RBFOX3: variants seen among roughly 807,000 people sequenced by gnomAD.
RBFOX3 encodes the protein RNA binding protein fox-1 homolog 3.
In RBFOX3, 17 loss-of-function variants were observed where a neutral mutation model predicts 48.7. That is an observed-to-expected ratio of 0.35 (90% confidence interval 0.24 to 0.52). The LOEUF (loss-of-function observed/expected upper bound fraction) is 0.52, where lower values mean the gene tolerates loss of function less well. RBFOX3 is among the 20% of genes least tolerant of loss of function. RBFOX3 has a pLI of 0.94. For missense variants in RBFOX3, 382 were observed against 497.5 expected (o/e 0.77, Z 2.21); for synonymous variants, 212 against 209.5 (o/e 1.01, Z -0.10).
chr17:79,622,397 G>T, the RBFOX3 span, among the ~76,000 whole-genome samples: 1 of 152,150 alleles, frequency 6.6e-6, no homozygotes, highest in Non-Finnish European at 1.5e-5. Context: ...CTCAGCCAGA[G>T]GAGGTGGGGC....
Position 79,311,283 on chromosome 17 carries a change from A to C in RBFOX3, c.-174-3459T>G, listed in dbSNP as rs1033086150. Among the ~76,000 whole-genome samples the C allele has an allele frequency of 1.3e-5, 2 of 152,022 alleles. No homozygotes were observed. The highest frequency in any genetic ancestry group is 2.9e-5 in the Non-Finnish European group (2 of 68,002). On this transcript the variant is annotated intron_variant, in intron 2 of 14. Coordinates refer to ENST00000693108, the MANE Select transcript of RBFOX3 (RefSeq NM_001350451.2). The surrounding 1 kb of genome is among the most constrained non-coding windows in gnomAD (Gnocchi z 4.2). ...CCCCATCTCTATTAAAAATACAAAA[A>C]TTAGCTAGGCATGTTGGTGGGCACC...
At chr17:79,105,474 C>G (rs1417142940) in intron 6 of RBFOX3, among the ~76,000 whole-genome samples, 3 of 151,990 alleles carry the variant, frequency 2.0e-5, no homozygotes, top group African/African-American at 7.2e-5. Flanking sequence ...CCAGAGAAAC[C>G]TGGCAGCTTG....
At chr17:79,183,593 G>A (rs1268466676) in intron 4 of RBFOX3, 1 of 152,284 alleles carries the variant, frequency 6.6e-6, no homozygotes, top group African/African-American at 2.4e-5. Context: ...GAGCGCGCGC[G>A]AGAATACGGC....
At chr17:79,369,473 A>C (rs2058234473) in intron 2 of RBFOX3, among the ~76,000 whole-genome samples, 1 of 151,972 alleles carries the variant, frequency 6.6e-6, no homozygotes, top group African/African-American at 2.4e-5. Context: ...TTAGCAAGAC[A>C]GGGCTTGTCT....
rs1052878716 is a variant in RBFOX3 at position 79,482,299 on chromosome 17, A to G, written c.-175+155T>C. Among the ~76,000 whole-genome samples, 7 of 152,090 alleles carry G rather than the reference A, an allele frequency of 4.6e-5. No individual in the cohort carries two copies. The highest frequency in any genetic ancestry group is 1.9e-4 in the East Asian group (1 of 5,186). Reference sequence around the variant, plus strand: ...CCGTCGATGTTCCCCCTCCTACTCCACAAAGACACCATGACTTGAAAGCTA... The same window carrying G: ...CCGTCGATGTTCCCCCTCCTACTCCGCAAAGACACCATGACTTGAAAGCTA... On this transcript the variant is annotated intron_variant, in intron 2 of 14. Coordinates refer to ENST00000693108, the MANE Select transcript of RBFOX3 (RefSeq NM_001350451.2). This position sits in a 1 kb window ranked among gnomAD's most constrained non-coding sequence, Gnocchi z 4.1.
rs1379773920 is a variant in RBFOX3 at position 79,471,588 on chromosome 17, G to A, written c.-175+10866C>T. Among the ~76,000 whole-genome samples, 4 of 152,168 alleles carry A rather than the reference G, an allele frequency of 2.6e-5. No homozygotes were observed. The highest frequency in any genetic ancestry group is 7.2e-5 in the African/African-American group (3 of 41,444). On this transcript the variant is annotated intron_variant, in intron 2 of 14. Coordinates refer to ENST00000693108, the MANE Select transcript of RBFOX3 (RefSeq NM_001350451.2). This position sits in a 1 kb window ranked among gnomAD's most constrained non-coding sequence, Gnocchi z 4.0. ...GAGCTTTCTCAGCTACAAAGAGCAC[G>A]ACATAAACAAGGAAGGCGCACACAC...
rs1399328977 is a variant in RBFOX3, at chr17:79,514,945, C to T, written c.-319-32347G>A. On this transcript the variant is annotated intron_variant, in intron 1 of 14. Transcript: ENST00000693108. ...AAAGACCAGACAGGAGGCTGGGGCT[C>T]GGCGCTGCCCCATTCCTAATCCCCA... Among the ~76,000 whole-genome samples, 6 of 152,150 alleles carry T rather than the reference C, an allele frequency of 3.9e-5. No individual in the cohort carries two copies. In the East Asian group the frequency reaches 1.2e-3, roughly 29 times the overall value.
chr17:79,497,052 C>CT (rs2081637928), intron 1 of RBFOX3, among the ~76,000 whole-genome samples: 1 of 152,202 alleles, frequency 6.6e-6, no homozygotes, highest in African/African-American at 2.4e-5. Context: ...TGAGCCTGCA[C>CT]TGGCTGAGGC....
intron 4 of RBFOX3, among the ~76,000 whole-genome samples, chr17:79,159,852 C>T (rs2046598742): frequency 6.6e-6 from 1 of 152,230 alleles, no homozygotes; most frequent in Non-Finnish European, 1.5e-5. Flanking sequence ...GTCGCTACTC[C>T]CACCTCCCTC....
intron 1 of RBFOX3, among the ~76,000 whole-genome samples, chr17:79,507,154 C>T (rs1404248759): frequency 1.3e-5 from 2 of 152,144 alleles, no homozygotes; most frequent in African/African-American, 2.4e-5. Context: ...CCATTCTCCA[C>T]ACCCTGCAGC....
intron 2 of RBFOX3, among the ~76,000 whole-genome samples, chr17:79,320,517 C>A (rs1439179279): frequency 6.6e-6 from 1 of 152,200 alleles, no homozygotes; most frequent in Non-Finnish European, 1.5e-5. Flanking sequence ...AAACACTTCC[C>A]AGCAGGGAAA....
Position 79,487,913 on chromosome 17 carries a change from G to GAAAAAAAAAAAAAAAAAAA in RBFOX3, c.-319-5316_-319-5315insTTTTTTTTTTTTTTTTTTT, listed in dbSNP as rs60345819. Among the ~76,000 whole-genome samples the GAAAAAAAAAAAAAAAAAAA allele has an allele frequency of 3.9e-4, 30 of 76,896 alleles. 1 individual carries two copies. The highest frequency in any genetic ancestry group is 1.2e-3 in the African/African-American group (28 of 22,440). 50.4% of individuals were successfully genotyped at this position (76,896 alleles called of 152,430 possible). A position where few individuals can be genotyped will look rare whatever the true frequency, so the allele number is the denominator to read the frequency against. On this transcript the variant is annotated intron_variant, in intron 1 of 14. Coordinates refer to ENST00000693108, the MANE Select transcript of RBFOX3 (RefSeq NM_001350451.2). ...GGTGACAGAGCAAGACCCCATCTCAGAAAAAAAAAAAAAAAAATTCCTGGG... is the reference window on the plus strand; with the variant it reads ...GGTGACAGAGCAAGACCCCATCTCAGAAAAAAAAAAAAAAAAAAAAAAAAAAAAAAAAAAAATTCCTGGG...
Position 79,190,426 on chromosome 17 carries a change from A to C in RBFOX3, c.-34+45340T>G, listed in dbSNP as rs868566938. 8.6e-4 allele frequency among the ~76,000 whole-genome samples: 60 copies of C among 69,688 alleles called. 1 individual carries two copies. The highest frequency in any genetic ancestry group is 1.9e-3 in the African/African-American group (53 of 27,596). The allele number at this position is 69,688 out of a possible 152,430, so 45.7% of individuals were successfully genotyped here. ...ATCTCTGTCTCACCAAAAAAAAAAA[A>C]AAAAACAAAAAAACAGAGTGAAGAA... On this transcript the variant is annotated intron_variant, in intron 4 of 14. Coordinates refer to ENST00000693108, the MANE Select transcript of RBFOX3 (RefSeq NM_001350451.2).
At chr17:79,469,730 G>A (rs913493689) in intron 2 of RBFOX3, among the ~76,000 whole-genome samples, 89 of 152,310 alleles carry the variant, frequency 5.8e-4, no homozygotes, top group African/African-American at 2.1e-3. Flanking sequence ...CTAAGAGAGG[G>A]AAGGACCTCT....
At chr17:79,334,307 G>C (rs1320851835) in intron 2 of RBFOX3, among the ~76,000 whole-genome samples, 1 of 152,178 alleles carries the variant, frequency 6.6e-6, no homozygotes, top group African/African-American at 2.4e-5. Context: ...TGCCATCTCA[G>C]ACAGTGGCAT....
intron 4 of RBFOX3, among the ~76,000 whole-genome samples, chr17:79,163,721 C>T (rs1175692770): frequency 6.9e-6 from 1 of 144,482 alleles, no homozygotes; most frequent in Non-Finnish European, 1.5e-5. Flanking sequence ...TCCCTCCTGG[C>T]TGATGCGGAA....
intron 1 of RBFOX3, among the ~76,000 whole-genome samples, chr17:79,485,903 C>G (rs1364028343): frequency 6.6e-6 from 1 of 152,246 alleles, no homozygotes; most frequent in Non-Finnish European, 1.5e-5. Flanking sequence ...TGGGAGATAA[C>G]TTAACAGCTT....
chr17:79,348,167 G>A (rs1367896907), intron 2 of RBFOX3, among the ~76,000 whole-genome samples: 1 of 152,184 alleles, frequency 6.6e-6, no homozygotes, highest in Non-Finnish European at 1.5e-5. Context: ...CAGAAAAGCG[G>A]GGAAGTGACT....
intron 3 of RBFOX3, among the ~76,000 whole-genome samples, chr17:79,262,246 T>A (rs910767882): frequency 6.6e-6 from 1 of 151,900 alleles, no homozygotes; most frequent in Non-Finnish European, 1.5e-5. Context: ...CCATGGAGGC[T>A]CCCACAAGCC....
Sources: gnomAD v4.1 joint callset for allele counts (sites outside exome capture counted in the v4.1 genomes callset) on GRCh38, gnomAD v4.1.1 for gene constraint, Gnocchi (gnomAD v3.1) non-coding constraint, MANE v1.5 for transcripts, NCBI Gene and HGNC (gene_info 2026-07-23, HGNC 2026-07-21) for gene names.